Variants in MICAL2 observed in about 807,000 individuals in gnomAD.
MICAL2 encodes the protein microtubule associated monooxygenase, calponin and LIM domain containing 2.
In MICAL2, 77 loss-of-function variants were observed where a neutral mutation model predicts 127.3. The ratio of observed to expected loss-of-function variants is 0.60; its 90% confidence interval spans 0.50 to 0.73. The LOEUF is 0.73. Among genes scored for constraint, MICAL2 ranks in the 30% least tolerant of loss-of-function variants. The pLI is 0.00. For missense variants in MICAL2, 1,351 were observed against 1,434.4 expected (o/e 0.94, Z 0.94); for synonymous variants, 570 against 551.1 (o/e 1.03, Z -0.48).
rs564434054 is a variant in MICAL2 at position 12,201,939 on chromosome 11, A to G, written c.265-2311A>G. 4.1e-3 allele frequency among the ~76,000 whole-genome samples: 630 copies of G among 152,190 alleles called. 4 individuals are homozygous for G. The highest frequency in any genetic ancestry group is 0.014 in the African/African-American group (602 of 41,548). The stretch of plus-strand genomic sequence containing the variant: ...TTCAAGACCAGCCTGACCAACATGG[A>G]AAAACCCCATCTCTACTAAAAATAC... On this transcript the variant is annotated intron_variant, in intron 3 of 27. Transcript: ENST00000683283.
At chr11:12,262,139 A>G (rs888738306) in intron 26 of MICAL2, 4 of 1,178,874 alleles carry the variant, frequency 3.4e-6, no homozygotes, top group African/African-American at 1.6e-5. Context: ...CAGCACCGAC[A>G]CCCAGGGGTG....
downstream of MICAL2, among the ~76,000 whole-genome samples, chr11:12,359,541 G>A (rs1487740611): frequency 6.6e-6 from 1 of 152,140 alleles, no homozygotes; most frequent in East Asian, 1.9e-4. Context: ...GACTTAGAGG[G>A]AGGGCTGAAT....
At chr11:12,148,336 C>T (rs1590073925) in intron 2 of MICAL2, among the ~76,000 whole-genome samples, 3 of 151,956 alleles carry the variant, frequency 2.0e-5, no homozygotes, top group East Asian at 3.9e-4. Flanking sequence ...AGCCCAAATG[C>T]CTTTGGGAAT....
At chr11:12,149,738 G>A (rs868137708) in intron 2 of MICAL2, among the ~76,000 whole-genome samples, 5 of 152,166 alleles carry the variant, frequency 3.3e-5, no homozygotes, top group Non-Finnish European at 5.9e-5. Context: ...TTGGCCACAC[G>A]TGAGGTCTCT....
chr11:12,299,619 G>T (rs146747251), intron 29 of MICAL2, among the ~76,000 whole-genome samples: 2 of 152,266 alleles, frequency 1.3e-5, no homozygotes, highest in African/African-American at 4.8e-5. Context: ...TCATTCTTGT[G>T]TATAATTAAA....
At chr11:12,137,549 C>A (rs1044698211) in intron 1 of MICAL2, among the ~76,000 whole-genome samples, 1 of 152,158 alleles carries the variant, frequency 6.6e-6, no homozygotes, top group African/African-American at 2.4e-5. Context: ...TGAGTCCCAT[C>A]TCCCAGCACT....
intron 3 of MICAL2, among the ~76,000 whole-genome samples, chr11:12,180,162 A>G (rs899546141): frequency 3.3e-5 from 5 of 151,548 alleles, no homozygotes; most frequent in African/African-American, 1.2e-4. Flanking sequence ...ACTACCTTGT[A>G]TTGTCTACTT....
At position 12,149,755 on chromosome 11, in the gene MICAL2, T is replaced by C. The variant is rs1853367051; in HGVS notation, c.-78+11295T>C. Among the ~76,000 whole-genome samples the C allele has an allele frequency of 2.0e-5, 3 of 152,092 alleles. No individual in the cohort carries two copies. In the South Asian group the frequency reaches 6.2e-4, roughly 32 times the overall value. On this transcript the variant is annotated intron_variant, in intron 2 of 27. Coordinates refer to ENST00000683283, the MANE Select transcript of MICAL2 (RefSeq NM_001282663.2). ...GGCCACACGTGAGGTCTCTATAAGA[T>C]AGTGAGAGGAGAATGTCCAACTGTT...
At chr11:12,204,608 C>G (rs1590338177) in intron 4 of MICAL2, 151 bp downstream of exon 4, 1 of 753,998 alleles carries the variant, frequency 1.3e-6, no homozygotes, top group East Asian at 2.7e-5. Context: ...AAAAGGCCTG[C>G]TTTGTGCCTT....
At chr11:12,156,353 G>A (rs1180552336) in intron 2 of MICAL2, among the ~76,000 whole-genome samples, 2 of 152,158 alleles carry the variant, frequency 1.3e-5, no homozygotes, top group East Asian at 1.9e-4. Flanking sequence ...TGATCTCAAG[G>A]CAACACCCAG....
chr11:12,358,261 C>A, intron 34 of MICAL2: 1 of 1,604,360 alleles, frequency 6.2e-7, no homozygotes, highest in South Asian at 1.1e-5. Flanking sequence ...GCCCAATCTT[C>A]TCTGAGCCCA....
Position 12,162,195 on chromosome 11 carries a change from C to T in MICAL2, c.40C>T (p.Gln14Ter). 1 of 1,614,188 alleles carries T rather than the reference C, an allele frequency of 6.2e-7. No homozygotes were observed. The highest frequency in any genetic ancestry group is 8.5e-7 in the Non-Finnish European group (1 of 1,180,038). ...NEDEKQAQAGQVFENFVQAST... is the reference protein window; with the variant it reads ...NEDEKQAQAG ...GGATGAGAAGCAGGCCCAGGCGGGG[C>T]AGGTTTTTGAGAACTTTGTCCAGGC... The change falls in exon 3 of 28, where the codon CAG becomes TAG. Residue 14 changes from glutamine (Q) to a stop codon, truncating the protein, a stop_gained. Coordinates refer to ENST00000683283, the MANE Select transcript of MICAL2 (RefSeq NM_001282663.2). LOFTEE classifies it high-confidence loss of function.
intron 2 of MICAL2, chr11:12,153,443 C>G (rs1304855301): frequency 1.3e-5 from 2 of 150,916 alleles, no homozygotes; most frequent in Non-Finnish European, 3.0e-5. Context: ...AAAGTTGGCA[C>G]CTATTTTTTT....
At chr11:12,288,904 A>G (rs1179558107), downstream of MICAL2, among the ~76,000 whole-genome samples, 1 of 152,118 alleles carries the variant, frequency 6.6e-6, no homozygotes, top group Non-Finnish European at 1.5e-5. Context: ...CATCTTTTTT[A>G]TTGTCTTTAC....
At chr11:12,299,369 A>G (rs1864020672) in intron 29 of MICAL2, among the ~76,000 whole-genome samples, 1 of 152,168 alleles carries the variant, frequency 6.6e-6, no homozygotes, top group Non-Finnish European at 1.5e-5. Context: ...GCACACTTCC[A>G]TGCAATGGAG....
chr11:12,215,961 C>T (rs1256129647), intron 7 of MICAL2, among the ~76,000 whole-genome samples: 1 of 152,210 alleles, frequency 6.6e-6, no homozygotes. Context: ...CTAACTTATA[C>T]TGGCCCACAA....
intron 29 of MICAL2, among the ~76,000 whole-genome samples, chr11:12,314,838 A>G (rs1864216233): frequency 6.6e-6 from 1 of 151,996 alleles, no homozygotes; most frequent in Non-Finnish European, 1.5e-5. Context: ...GATTGCTGTC[A>G]TATATTTTAA....
At chr11:12,127,068 C>G (rs2896599) in intron 1 of MICAL2, among the ~76,000 whole-genome samples, 83,579 of 151,958 alleles carry the variant, frequency 0.55, 23,953 homozygotes, top group Non-Finnish European at 0.62. Flanking sequence ...AGGACAGATG[C>G]AAAGAGGCTT....
At position 12,236,649 on chromosome 11, in the gene MICAL2, G is replaced by T. The variant is rs746325411; in HGVS notation, c.2064+404G>T. Among the ~76,000 whole-genome samples the T allele has an allele frequency of 1.1e-3, 174 of 152,316 alleles. 1 individual carries two copies. Among genetic ancestry groups the T allele is most frequent in the Non-Finnish European group, 6.2e-4 (42 of 68,028 alleles). ...CCAATCATCGTTTGTATCCATTTGT[G>T]TTTCCTTTGCTTTTAGCCTTTAAGG... On this transcript the variant is annotated intron_variant, in intron 16 of 27. Coordinates refer to ENST00000683283, the MANE Select transcript of MICAL2 (RefSeq NM_001282663.2).
Sources: gnomAD v4.1 joint callset for allele counts (sites outside exome capture counted in the v4.1 genomes callset) on GRCh38, gnomAD v4.1.1 for gene constraint, MANE v1.5 for transcripts, NCBI Gene and HGNC (gene_info 2026-07-23, HGNC 2026-07-21) for gene names.